RAB38: variants seen among roughly 807,000 people sequenced by gnomAD.
RAB38 encodes the protein RAB38, member RAS oncogene family, also known as ras-related protein Rab-38.
In RAB38, 15 loss-of-function variants were observed where a neutral mutation model predicts 18.4. That is an observed-to-expected ratio of 0.82 (90% CI 0.55 to 1.26). The LOEUF (loss-of-function observed/expected upper bound fraction) is 1.26. RAB38 is among the 50% of genes most tolerant of loss of function. The pLI, the probability that RAB38 is intolerant of heterozygous loss-of-function variation, is 0.00. For synonymous variants in RAB38, 101 were observed against 104.4 expected (o/e 0.97, Z 0.20); for missense variants, 294 against 267.4 (o/e 1.10, Z -0.69).
chr11:87,844,278 A>G, the RAB38 span, among the ~76,000 whole-genome samples: 1 of 152,220 alleles, frequency 6.6e-6, no homozygotes, highest in Non-Finnish European at 1.5e-5. Flanking sequence ...TTTAGAACTC[A>G]AGGTTTTTGT....
At chr11:87,853,393 C>G in the RAB38 span, among the ~76,000 whole-genome samples, 1 of 152,108 alleles carries the variant, frequency 6.6e-6, no homozygotes, top group Non-Finnish European at 1.5e-5. Flanking sequence ...GTTTCTCCAC[C>G]ATGGGAGAAC....
the RAB38 span, among the ~76,000 whole-genome samples, chr11:88,106,614 G>A: frequency 2.0e-5 from 3 of 152,064 alleles, no homozygotes; most frequent in African/African-American, 7.2e-5. Flanking sequence ...GTGCCTGGAG[G>A]TTGATATTCT....
the RAB38 span, among the ~76,000 whole-genome samples, chr11:87,890,309 C>T: frequency 6.6e-6 from 1 of 151,796 alleles, no homozygotes; most frequent in Non-Finnish European, 1.5e-5. Context: ...AAAGTTCAAA[C>T]ACATTCACTT....
At chr11:87,836,006 A>T in the RAB38 span, among the ~76,000 whole-genome samples, 1 of 152,138 alleles carries the variant, frequency 6.6e-6, no homozygotes, top group Admixed American at 6.5e-5. Flanking sequence ...TTTAACCTAT[A>T]CTTTTTCTTC....
the RAB38 span, among the ~76,000 whole-genome samples, chr11:87,974,514 A>G: frequency 6.6e-6 from 1 of 151,940 alleles, no homozygotes; most frequent in Non-Finnish European, 1.5e-5. Flanking sequence ...GTAATATATT[A>G]CAATAAAACC....
the RAB38 span, among the ~76,000 whole-genome samples, chr11:87,973,670 G>A: frequency 3.9e-5 from 6 of 151,940 alleles, no homozygotes; most frequent in African/African-American, 9.7e-5. Flanking sequence ...TTTACCCAAC[G>A]AGACCTCATC....
At chr11:87,864,790 G>A in the RAB38 span, among the ~76,000 whole-genome samples, 1 of 151,684 alleles carries the variant, frequency 6.6e-6, no homozygotes, top group Non-Finnish European at 1.5e-5. Context: ...GTTAGACAAA[G>A]TATAAAATAT....
At chr11:87,813,108 A>G in the RAB38 span, among the ~76,000 whole-genome samples, 2 of 152,182 alleles carry the variant, frequency 1.3e-5, no homozygotes, top group Admixed American at 6.5e-5. Context: ...GAGGGAATAA[A>G]ATGAAATGCG....
At chr11:87,877,709 A>G in the RAB38 span, among the ~76,000 whole-genome samples, 1 of 151,312 alleles carries the variant, frequency 6.6e-6, no homozygotes, top group Non-Finnish European at 1.5e-5. Context: ...CCTCCTAGCT[A>G]TTGTTTCTTT....
the RAB38 span, among the ~76,000 whole-genome samples, chr11:88,045,845 C>T: frequency 6.6e-6 from 1 of 152,160 alleles, no homozygotes; most frequent in African/African-American, 2.4e-5. Flanking sequence ...GACGGCCAGG[C>T]TTCTAAACCT....
the RAB38 span, among the ~76,000 whole-genome samples, chr11:87,957,975 A>G: frequency 3.9e-5 from 6 of 152,136 alleles, no homozygotes; most frequent in African/African-American, 1.4e-4. Flanking sequence ...CAAATAAAGC[A>G]CAGCTGGTCC....
At chr11:87,934,869 G>C in the RAB38 span, among the ~76,000 whole-genome samples, 1 of 152,084 alleles carries the variant, frequency 6.6e-6, no homozygotes, top group Non-Finnish European at 1.5e-5. Flanking sequence ...GCAGCAAACA[G>C]CTACAATGGG....
chr11:88,142,564 G>A (rs1044176168), intron 2 of RAB38, among the ~76,000 whole-genome samples: 1 of 152,140 alleles, frequency 6.6e-6, no homozygotes, highest in Non-Finnish European at 1.5e-5. Flanking sequence ...CTGAAGAAAG[G>A]GTTAATACTT....
chr11:87,819,015 C>T, the RAB38 span, among the ~76,000 whole-genome samples: 1 of 152,132 alleles, frequency 6.6e-6, no homozygotes, highest in Admixed American at 6.5e-5. Context: ...CATTCTATAA[C>T]ACTGGTGATG....
At chr11:88,075,201 A>T in the RAB38 span, among the ~76,000 whole-genome samples, 1 of 152,172 alleles carries the variant, frequency 6.6e-6, no homozygotes, top group Non-Finnish European at 1.5e-5. Context: ...AAATAGACCT[A>T]ACTGACATTT....
At chr11:88,088,555 G>C in the RAB38 span, among the ~76,000 whole-genome samples, 1 of 151,848 alleles carries the variant, frequency 6.6e-6, no homozygotes, top group African/African-American at 2.4e-5. Flanking sequence ...GTGGGTAAGG[G>C]CAATACTTTG....
At chr11:87,885,586 A>G in the RAB38 span, among the ~76,000 whole-genome samples, 1 of 152,024 alleles carries the variant, frequency 6.6e-6, no homozygotes, top group East Asian at 1.9e-4. Context: ...ATTCAGGGCT[A>G]TAAGTTCTGC....
chr11:88,097,533 C>A, the RAB38 span, among the ~76,000 whole-genome samples: 2 of 151,798 alleles, frequency 1.3e-5, no homozygotes, highest in African/African-American at 4.8e-5. Context: ...GATGCTTTGA[C>A]CCCCTCACAG....
At chr11:88,009,589 A>G in the RAB38 span, among the ~76,000 whole-genome samples, 5 of 152,220 alleles carry the variant, frequency 3.3e-5, no homozygotes, top group African/African-American at 1.2e-4. Context: ...GAGTTTACCA[A>G]TATGATAAAT....
Sources: allele counts gnomAD v4.1 joint callset (sites outside exome capture counted in the v4.1 genomes callset), GRCh38; gene constraint gnomAD v4.1.1; transcripts MANE v1.5; gene names NCBI Gene and HGNC (gene_info 2026-07-23, HGNC 2026-07-21).